Variants in EXOC6 observed in about 807,000 individuals in gnomAD.
EXOC6 encodes the protein SEC15-like 1.
A neutral mutation model predicts 112.5 loss-of-function variants in EXOC6; 60 were observed. The observed-to-expected ratio is 0.53, with a 90% CI of 0.43 to 0.66. EXOC6 has a LOEUF of 0.66. Among genes scored for constraint, EXOC6 ranks in the 30% least tolerant of loss-of-function variants. The pLI is 0.00. For synonymous variants in EXOC6, 295 were observed against 308.0 expected (o/e 0.96, Z 0.44); for missense variants, 855 against 957.1 (o/e 0.89, Z 1.41).
intron 19 of EXOC6, among the ~76,000 whole-genome samples, chr10:93,013,095 T>A (rs1000402715): frequency 6.6e-5 from 10 of 152,218 alleles, no homozygotes; most frequent in African/African-American, 1.9e-4. Context: ...GGCATTCTTA[T>A]CAGAGAAGCT....
chr10:92,916,901 G>A lies in EXOC6; in HGVS notation c.819+988G>A, dbSNP rs546554390. 7.6e-4 allele frequency among the ~76,000 whole-genome samples: 116 copies of A among 152,078 alleles called. 5 individuals carry two copies. In the South Asian group the frequency reaches 0.017, roughly 22 times the overall value. On this transcript the variant is annotated intron_variant, in intron 7 of 21. Transcript: ENST00000260762. ...AGATAATTGACAGATAAACATGATT[G>A]TAGATTATATTCCTAAATCTCTGGT...
At chr10:93,039,911 T>C (rs1427861394) in intron 20 of EXOC6, among the ~76,000 whole-genome samples, 5 of 152,194 alleles carry the variant, frequency 3.3e-5, no homozygotes, top group African/African-American at 1.2e-4. Flanking sequence ...CCTGCAGCTC[T>C]CTCTAGTGGC....
At chr10:92,834,953 A>C (rs1361992752) in intron 1 of EXOC6, 7 of 468,966 alleles carry the variant, frequency 1.5e-5, no homozygotes, top group Non-Finnish European at 2.3e-5. Context: ...GTATATACTT[A>C]ATCTCAAAGT....
chr10:93,051,147 CTTTTT>C (rs5787032), intron 20 of EXOC6, among the ~76,000 whole-genome samples: 1 of 146,928 alleles, frequency 6.8e-6, no homozygotes, highest in African/African-American at 2.5e-5. Context: ...CTGTATTCCT[CTTTTT>C]TTTTTTTCAA....
chr10:92,910,098 A>G (rs1850656344), intron 6 of EXOC6, among the ~76,000 whole-genome samples: 1 of 152,228 alleles, frequency 6.6e-6, no homozygotes, highest in Non-Finnish European at 1.5e-5. Context: ...TTAGGAAGTC[A>G]ATATATCTAC....
At chr10:92,985,938 A>T (rs932391142) in intron 18 of EXOC6, among the ~76,000 whole-genome samples, 1 of 152,074 alleles carries the variant, frequency 6.6e-6, no homozygotes, top group Non-Finnish European at 1.5e-5. Context: ...GAATACATTT[A>T]TGTGTTTTCC....
At chr10:92,915,940 A>G (rs1378209324) in intron 7 of EXOC6, 27 bp downstream of exon 7, 1 of 1,454,056 alleles carries the variant, frequency 6.9e-7, no homozygotes, top group Non-Finnish European at 9.1e-7. Flanking sequence ...TTTCTTTTCT[A>G]TTATTAGATA....
chr10:92,897,617 GGACA>G (rs1564811284), intron 4 of EXOC6, among the ~76,000 whole-genome samples: 1 of 152,168 alleles, frequency 6.6e-6, no homozygotes, highest in Non-Finnish European at 1.5e-5. Context: ...TATGGACAAA[GGACA>G]GACAGAACAC....
chr10:92,874,144 G>T (rs113501045), intron 1 of EXOC6, among the ~76,000 whole-genome samples: 1,541 of 151,930 alleles, frequency 0.01, 28 homozygotes, highest in African/African-American at 0.035. Flanking sequence ...GAAACTCTCA[G>T]TTACTCTGTA....
At chr10:93,055,821 G>A (rs1371647830) in intron 20 of EXOC6, among the ~76,000 whole-genome samples, 1 of 152,136 alleles carries the variant, frequency 6.6e-6, no homozygotes, top group Non-Finnish European at 1.5e-5. Flanking sequence ...ATTAATACCT[G>A]TAAATTGGAT....
intron 13 of EXOC6, among the ~76,000 whole-genome samples, chr10:92,944,322 C>G (rs975953381): frequency 6.6e-6 from 1 of 151,852 alleles, no homozygotes; most frequent in Non-Finnish European, 1.5e-5. Flanking sequence ...TGGCAACCTT[C>G]GCCTCCCAAG....
At chr10:92,999,347 G>A (rs1323418595) in intron 19 of EXOC6, 1 of 379,258 alleles carries the variant, frequency 2.6e-6, no homozygotes, top group Non-Finnish European at 5.0e-6. Flanking sequence ...AGAGGCGTGA[G>A]CTACTGTGCC....
At chr10:93,024,120 T>G (rs1455896097) in intron 20 of EXOC6, among the ~76,000 whole-genome samples, 4 of 152,246 alleles carry the variant, frequency 2.6e-5, no homozygotes, top group Non-Finnish European at 1.5e-5. Context: ...CTGTTGCATT[T>G]TGTGAGAAGT....
intron 1 of EXOC6, among the ~76,000 whole-genome samples, chr10:92,854,751 CT>C (rs1847517529): frequency 6.6e-6 from 1 of 152,004 alleles, no homozygotes; most frequent in African/African-American, 2.4e-5. Flanking sequence ...TTGTTGGATT[CT>C]GTTTGCTAGT....
intron 19 of EXOC6, among the ~76,000 whole-genome samples, chr10:93,009,515 C>G (rs1844145526): frequency 6.6e-6 from 1 of 152,182 alleles, no homozygotes; most frequent in Non-Finnish European, 1.5e-5. Context: ...AAGACCCAGA[C>G]AGATAAACAA....
upstream of EXOC6, among the ~76,000 whole-genome samples, chr10:92,830,655 G>A (rs1846460246): frequency 6.6e-6 from 1 of 152,120 alleles, no homozygotes. Flanking sequence ...GATATCAGTA[G>A]CACCACCCAC....
chr10:93,031,510 C>CTTTTTT (rs778524287), intron 20 of EXOC6, among the ~76,000 whole-genome samples: 14 of 130,450 alleles, frequency 1.1e-4, no homozygotes, highest in Non-Finnish European at 1.6e-4. Flanking sequence ...TTCTTTCTTT[C>CTTTTTT]TTTTTTTTTT....
At chr10:92,858,149 T>C (rs1832011664) in intron 1 of EXOC6, among the ~76,000 whole-genome samples, 1 of 152,066 alleles carries the variant, frequency 6.6e-6, no homozygotes, top group Admixed American at 6.6e-5. Context: ...TTCTTGTTGT[T>C]TTCAGGATTT....
chr10:92,983,619 C>G (rs1024688182), intron 18 of EXOC6, among the ~76,000 whole-genome samples: 1 of 151,692 alleles, frequency 6.6e-6, no homozygotes, highest in Non-Finnish European at 1.5e-5. Flanking sequence ...ATTCTTGTGC[C>G]CCAGCCTCCT....
Sources: allele counts gnomAD v4.1 joint callset (sites outside exome capture counted in the v4.1 genomes callset), GRCh38; gene constraint gnomAD v4.1.1; transcripts MANE v1.5; gene names NCBI Gene and HGNC (gene_info 2026-07-23, HGNC 2026-07-21).